The following BMPER variants were observed in gnomAD, a reference collection of about 807,000 sequenced individuals.
The protein encoded by BMPER is BMP binding endothelial regulator.
BMPER carries 45 observed loss-of-function variants against 87.3 expected under a neutral mutation model. The observed-to-expected ratio is 0.52, with a 90% CI of 0.41 to 0.66. The LOEUF (loss-of-function observed/expected upper bound fraction) is 0.66. BMPER is among the 30% of genes least tolerant of loss of function. The pLI, the probability that BMPER is intolerant of heterozygous loss-of-function variation, is 0.00. For missense variants in BMPER, 784 were observed against 867.5 expected, an observed-to-expected ratio of 0.90 and a Z score of 1.21; for synonymous variants, 326 against 316.2, an observed-to-expected ratio of 1.03 and a Z score of -0.33.
At chr7:33,989,867 T>G (rs972600686) in intron 6 of BMPER, among the ~76,000 whole-genome samples, 7 of 152,234 alleles carry the variant, frequency 4.6e-5, no homozygotes, top group African/African-American at 1.7e-4. Flanking sequence ...ATTTATTAAA[T>G]AGGGAATCCT....
At position 34,089,308 on chromosome 7, in the gene BMPER, TAG is replaced by T. The variant is rs1789312221; in HGVS notation, c.1745+3219_1745+3220del. 2.6e-5 allele frequency among the ~76,000 whole-genome samples: 4 copies of T among 152,288 alleles called. No individual in the cohort carries two copies. In the South Asian group the frequency reaches 8.3e-4, roughly 32 times the overall value. ...TAACAGAGGGAAGGGAGAATGCAAA[TAG>T]AGTATTTTTTCTGAGAAAATATTAC... On this transcript the variant is annotated intron_variant, in intron 13 of 14. Transcript: ENST00000649409.
chr7:34,023,934 T>C (rs1787267846), intron 6 of BMPER, among the ~76,000 whole-genome samples: 1 of 151,548 alleles, frequency 6.6e-6, no homozygotes, highest in Admixed American at 6.6e-5. Flanking sequence ...TTGTCTTCTG[T>C]TAAAGTATGC....
intron 3 of BMPER, among the ~76,000 whole-genome samples, chr7:33,948,474 G>A (rs1585667975): frequency 6.6e-6 from 1 of 152,124 alleles, no homozygotes; most frequent in Admixed American, 6.5e-5. Flanking sequence ...ATTCTTGCTT[G>A]GCATATAATG....
In BMPER at chr7:34,145,789, C is replaced by A. The variant is rs13241089; in HGVS notation, c.1876+2429C>A. Among the ~76,000 whole-genome samples the A allele has an allele frequency of 7.9e-5, 12 of 152,090 alleles. No individual in the cohort carries two copies. The East Asian group carries it at 1.5e-3, about 20-fold the overall frequency. ...ATATATGATCCTTCTCTTCCTGGCC[C>A]AGAGCTATACTTAGCACCATTTCAG... On this transcript the variant is annotated intron_variant, in intron 14 of 14. Transcript: ENST00000649409.
intron 14 of BMPER, among the ~76,000 whole-genome samples, chr7:34,145,100 T>C (rs1329780867): frequency 6.6e-6 from 1 of 152,156 alleles, no homozygotes; most frequent in African/African-American, 2.4e-5. Flanking sequence ...TGCCCTGATG[T>C]CTTTCTTCAA....
chr7:34,041,337 T>C (rs915215592), intron 6 of BMPER, among the ~76,000 whole-genome samples: 2 of 152,146 alleles, frequency 1.3e-5, no homozygotes, highest in East Asian at 3.9e-4. Flanking sequence ...GGCTTGTCAC[T>C]CACTACCTAT....
intron 6 of BMPER, among the ~76,000 whole-genome samples, chr7:34,042,115 A>C (rs1272719059): frequency 1.3e-5 from 2 of 152,182 alleles, no homozygotes; most frequent in African/African-American, 4.8e-5. Context: ...GCTCTAGGTA[A>C]ACTTTTACAT....
At chr7:34,077,945 C>T (rs754106817) in intron 11 of BMPER, among the ~76,000 whole-genome samples, 21 of 151,828 alleles carry the variant, frequency 1.4e-4, no homozygotes, top group South Asian at 1.2e-3. Flanking sequence ...GGGCTACTAT[C>T]TCTAAATGGA....
At chr7:33,968,331 C>T (rs535328962) in intron 4 of BMPER, among the ~76,000 whole-genome samples, 3 of 152,302 alleles carry the variant, frequency 2.0e-5, no homozygotes, top group East Asian at 3.9e-4. Flanking sequence ...TCAGCTGGGA[C>T]CTTCCCTTTC....
intron 6 of BMPER, among the ~76,000 whole-genome samples, chr7:34,021,110 A>G (rs1787175605): frequency 6.6e-6 from 1 of 152,050 alleles, no homozygotes. Context: ...GGGCAAAGTT[A>G]ATGCAAATAC....
At chr7:34,011,157 T>C (rs1265098309) in intron 6 of BMPER, among the ~76,000 whole-genome samples, 4 of 151,878 alleles carry the variant, frequency 2.6e-5, no homozygotes, top group Non-Finnish European at 5.9e-5. Context: ...GAGATTACTG[T>C]AAGCAGCAAC....
At chr7:34,103,218 C>T (rs112869418) in intron 13 of BMPER, among the ~76,000 whole-genome samples, 4,123 of 152,164 alleles carry the variant, frequency 0.027, 176 homozygotes, top group African/African-American at 0.092. Context: ...TATGATGGAA[C>T]AAACATGGGT....
At chr7:34,022,863 A>T (rs1787233837) in intron 6 of BMPER, among the ~76,000 whole-genome samples, 1 of 151,978 alleles carries the variant, frequency 6.6e-6, no homozygotes, top group South Asian at 2.1e-4. Context: ...GCTATGACGG[A>T]TCATCCTTCT....
At position 33,937,350 on chromosome 7, in the gene BMPER, C is replaced by T. The variant is rs758511119; in HGVS notation, c.281C>T (p.Ala94Val). ...GTGCTGTCCCGAGACTGTGCCCTGG[C>T]CATCAAGCAGAGGGGAGCCTGTTGT... is the stretch of plus-strand genomic sequence containing the variant. ...CPVLSRDCALAIKQRGACCEQ... is the reference protein window; with the variant it reads ...CPVLSRDCALVIKQRGACCEQ... Residue 94 changes from alanine (A) to valine (V), a missense_variant, in exon 3 of 15, where the codon GCC becomes GTC. Ala to Val is a moderately conservative substitution (Grantham distance 64, BLOSUM62 0). Coordinates refer to ENST00000649409, the MANE Select transcript of BMPER (RefSeq NM_001365308.1). 5 of 1,614,204 alleles carry T rather than the reference C, an allele frequency of 3.1e-6. No homozygotes were observed. Among genetic ancestry groups the T allele is most frequent in the Non-Finnish European group, 4.2e-6 (5 of 1,180,022 alleles).
At chr7:33,930,272 G>A (rs1651487031) in intron 2 of BMPER, among the ~76,000 whole-genome samples, 1 of 152,134 alleles carries the variant, frequency 6.6e-6, no homozygotes, top group Admixed American at 6.5e-5. Context: ...CTTAGGGTTT[G>A]TGGCTGACCA....
At chr7:33,991,271 T>C (rs1786208655) in intron 6 of BMPER, among the ~76,000 whole-genome samples, 1 of 151,752 alleles carries the variant, frequency 6.6e-6, no homozygotes, top group East Asian at 1.9e-4. Flanking sequence ...TGGTAAGCTA[T>C]TGGTTATTGC....
chr7:33,961,738 A>T (rs1785276596), intron 3 of BMPER, among the ~76,000 whole-genome samples: 1 of 152,114 alleles, frequency 6.6e-6, no homozygotes, highest in South Asian at 2.1e-4. Context: ...GTAAAGTTTT[A>T]GTGGAGGGAT....
At chr7:34,135,138 A>T (rs1376494967) in intron 13 of BMPER, among the ~76,000 whole-genome samples, 1 of 152,174 alleles carries the variant, frequency 6.6e-6, no homozygotes, top group Non-Finnish European at 1.5e-5. Flanking sequence ...ATGTATAAGT[A>T]AGCAATGTAT....
rs375192365 is a variant in BMPER at position 34,147,636 on chromosome 7, A to T, written c.1876+4276A>T. Among the ~76,000 whole-genome samples the T allele has an allele frequency of 3.1e-4, 47 of 152,096 alleles. 1 individual carries two copies. The East Asian group carries it at 8.2e-3, about 26-fold the overall frequency. On this transcript the variant is annotated intron_variant, in intron 14 of 14. Coordinates refer to ENST00000649409, the MANE Select transcript of BMPER (RefSeq NM_001365308.1). The stretch of plus-strand genomic sequence containing the variant: ...CAGGCATGTGCCACCACGCTTGGCT[A>T]ATTTTGTATTTTTAGTAGAGACGGG...
Sources: gnomAD v4.1 joint callset for allele counts (sites outside exome capture counted in the v4.1 genomes callset) on GRCh38, gnomAD v4.1.1 for gene constraint, MANE v1.5 for transcripts, NCBI Gene and HGNC (gene_info 2026-07-23, HGNC 2026-07-21) for gene names.